GDPD3: variants seen among roughly 807,000 people sequenced by gnomAD.
GDPD3 encodes the protein glycerophosphodiester phosphodiesterase domain containing 3.
GDPD3 carries 40 observed loss-of-function variants against 43.7 expected under a neutral mutation model. That is an observed-to-expected ratio of 0.91 (90% CI 0.71 to 1.19). GDPD3 has a LOEUF of 1.19. Ranked by LOEUF, GDPD3 falls within the 50% of genes most tolerant of loss-of-function variation. The pLI is 0.00. For missense variants in GDPD3, 363 were observed against 415.8 expected (o/e 0.87, Z 1.11); for synonymous variants, 145 against 162.9 (o/e 0.89, Z 0.84).
chr16:30,112,905 C>A lies in GDPD3; in HGVS notation c.183-112G>T. The A allele has an allele frequency of 6.7e-7, 1 of 1,482,902 alleles. No individual in the cohort carries two copies. Among genetic ancestry groups the A allele is most frequent in the African/African-American group, 1.4e-5 (1 of 72,620 alleles). The allele number at this position is 1,482,902 out of a possible 1,614,324, so 91.9% of individuals were successfully genotyped here. Reference sequence around the variant, plus strand: ...CGGAGTTCGTGGCGGGATGTGCAGGCCACCTCCAGGGGGCGCCAGTCACCC... The same window carrying A: ...CGGAGTTCGTGGCGGGATGTGCAGGACACCTCCAGGGGGCGCCAGTCACCC... On this transcript the variant is annotated intron_variant, in intron 2 of 9. Coordinates refer to ENST00000406256, the MANE Select transcript of GDPD3 (RefSeq NM_024307.3). This position sits in a 1 kb window ranked among gnomAD's most constrained non-coding sequence, Gnocchi z 5.4.
intron 7 of GDPD3, among the ~76,000 whole-genome samples, chr16:30,109,106 A>G (rs901090090): frequency 1.3e-5 from 2 of 152,132 alleles, no homozygotes; most frequent in Non-Finnish European, 1.5e-5. Context: ...CTGGGATTAC[A>G]GGCGTGAGCC....
At chr16:30,108,040 CGT>C (rs149175898) in intron 9 of GDPD3, 171 bp downstream of exon 9, 25,368 of 443,148 alleles carry the variant, frequency 0.057, no homozygotes, top group South Asian at 0.079. Flanking sequence ...TGTGTGTGTT[CGT>C]GTGTGTGTGT....
At chr16:30,105,877 G>A (rs912715618) in intron 9 of GDPD3, among the ~76,000 whole-genome samples, 3 of 151,338 alleles carry the variant, frequency 2.0e-5, no homozygotes, top group Non-Finnish European at 2.9e-5. Flanking sequence ...TTGGGAGGCC[G>A]AGGCAGGCAG....
In GDPD3 at chr16:30,113,333, G is replaced by A. The variant is rs777986599; in HGVS notation, c.139+7C>T. The A allele has an allele frequency of 1.7e-5, 27 of 1,592,160 alleles. No homozygotes were observed. Among genetic ancestry groups the A allele is most frequent in the East Asian group, 1.1e-4 (5 of 44,612 alleles). Reference sequence around the variant, plus strand: ...TTGGCACCTGTTCTCACCCCTACCCGGCTCACCTCCTCGGTGGGCCCCCAG... The same window carrying A: ...TTGGCACCTGTTCTCACCCCTACCCAGCTCACCTCCTCGGTGGGCCCCCAG... On this transcript the variant is annotated splice_region_variant and intron_variant, in intron 1 of 9. Coordinates refer to ENST00000406256, the MANE Select transcript of GDPD3 (RefSeq NM_024307.3). The surrounding 1 kb of genome is among the most constrained non-coding windows in gnomAD (Gnocchi z 5.9).
At position 30,109,044 on chromosome 16, in the gene GDPD3, A is replaced by C. The variant is rs530376935; in HGVS notation, c.708-612T>G. On this transcript the variant is annotated intron_variant, in intron 7 of 9. Transcript: ENST00000406256. ...ACAGGGTTTCACCCTGTTAGCCAGG[A>C]TGGTCTCGATCTCCTGACTTTGTGA... 2.0e-4 allele frequency among the ~76,000 whole-genome samples: 31 copies of C among 152,016 alleles called. No individual in the cohort carries two copies. The South Asian group carries it at 5.0e-3, about 24-fold the overall frequency.
In GDPD3 at chr16:30,105,044, A is replaced by C. The variant is rs1424847100; in HGVS notation, c.820-35T>G. 6 of 1,560,140 alleles carry C rather than the reference A, an allele frequency of 3.8e-6. No homozygotes were observed. The Admixed American group carries it at 1.2e-4, about 30-fold the overall frequency. Reference sequence around the variant, plus strand: ...GAGGGAGGGGGCCTGTAGATTCTGAACAATTTTACATCTGGAGAGTGGGGA... The same window carrying C: ...GAGGGAGGGGGCCTGTAGATTCTGACCAATTTTACATCTGGAGAGTGGGGA... On this transcript the variant is annotated intron_variant, in intron 9 of 9. Coordinates refer to ENST00000406256, the MANE Select transcript of GDPD3 (RefSeq NM_024307.3).
chr16:30,113,096 C>T lies in GDPD3; in HGVS notation c.140-32G>A. ...GGGGCACTGGAGTGGGCCTCTGGGGCTTGGGGTCTAGGGGCCTGGCCCAAC... is the reference window on the plus strand; with the variant it reads ...GGGGCACTGGAGTGGGCCTCTGGGGTTTGGGGTCTAGGGGCCTGGCCCAAC... On this transcript the variant is annotated intron_variant, in intron 1 of 9. Coordinates refer to ENST00000406256, the MANE Select transcript of GDPD3 (RefSeq NM_024307.3). This position sits in a 1 kb window ranked among gnomAD's most constrained non-coding sequence, Gnocchi z 5.9. The T allele has an allele frequency of 6.2e-7, 1 of 1,601,026 alleles. No homozygotes were observed. The highest frequency in any genetic ancestry group is 8.5e-7 in the Non-Finnish European group (1 of 1,169,786).
At chr16:30,111,687 G>A (rs1464722455) in intron 6 of GDPD3, 166 bp from the exon 7 acceptor site, 11 of 690,360 alleles carry the variant, frequency 1.6e-5, no homozygotes, top group Non-Finnish European at 2.4e-5. Flanking sequence ...AACCTCAGCA[G>A]TTTGGGAGGC....
rs138427877 is a variant in GDPD3 at position 30,112,695 on chromosome 16, G to T, written c.281C>A (p.Ser94Ter). 2.5e-6 allele frequency: 4 copies of T among 1,613,970 alleles called. No individual in the cohort carries two copies. The East Asian group carries it at 6.7e-5, about 27-fold the overall frequency. The change falls in exon 3 of 10, where the codon TCG becomes TAG. Residue 94 changes from serine to a stop codon, truncating the protein, a stop_gained. Transcript: ENST00000406256. LOFTEE classifies it high-confidence loss of function. The surrounding 1 kb of genome is among the most constrained non-coding windows in gnomAD (Gnocchi z 5.4). ...GCTGCCCACATCCCTGTTTAGGCCC[G>T]ACTGGCGGCACAGGTTCTCATCATG... is the stretch of plus-strand genomic sequence containing the variant. ...VSHDENLCRQ[S>*]GLNRDVGSLD...
At position 30,113,419 on chromosome 16, in the gene GDPD3, G is replaced by GGCCGGC; in HGVS notation, c.59_60insGCCGGC (p.Ile20delinsMetProAla). On this transcript the variant is annotated protein_altering_variant, in exon 1 of 10. Coordinates refer to ENST00000406256, the MANE Select transcript of GDPD3 (RefSeq NM_024307.3). This position sits in a 1 kb window ranked among gnomAD's most constrained non-coding sequence, Gnocchi z 5.9. ...GCAGATGAGGCCGGCGCAGGAAGAA[G>GGCCGGC]ATGGAGAGCATGGCATAGCTGCCCA... 6.2e-7 allele frequency: 1 copy of GGCCGGC among 1,612,178 alleles called. No homozygotes were observed. The highest frequency in any genetic ancestry group is 8.5e-7 in the Non-Finnish European group (1 of 1,178,832).
chr16:30,111,425 T>A lies in GDPD3; in HGVS notation c.670A>T (p.Lys224Ter). ...TTGGGCAGGAAGCAGAAGAAGAACT[T>A]CTCAGGGATTGGGATGAAGGGCAGC... is the stretch of plus-strand genomic sequence containing the variant. ...GLLPFIPIPE[K>*]FFFCFLPNII... The change falls in exon 7 of 10, where the codon AAG becomes TAG. Residue 224 changes from lysine (K) to a stop codon, truncating the protein, a stop_gained. Transcript: ENST00000406256. LOFTEE classifies it high-confidence loss of function. 11 of 1,613,818 alleles carry A rather than the reference T, an allele frequency of 6.8e-6. No individual in the cohort carries two copies. Among genetic ancestry groups the A allele is most frequent in the Non-Finnish European group, 9.3e-6 (11 of 1,179,914 alleles).
chr16:30,113,002 G>C lies in GDPD3; in HGVS notation c.182+20C>G. 1 of 1,610,442 alleles carries C rather than the reference G, an allele frequency of 6.2e-7. No individual in the cohort carries two copies. Among genetic ancestry groups the C allele is most frequent in the Non-Finnish European group, 8.5e-7 (1 of 1,177,152 alleles). On this transcript the variant is annotated intron_variant, in intron 2 of 9. Transcript: ENST00000406256. This position sits in a 1 kb window ranked among gnomAD's most constrained non-coding sequence, Gnocchi z 5.9. ...TGCACACCCTCACATGGCAGCCTGG[G>C]CAGGGGCAGATACACTCACTTCTCC...
At chr16:30,108,479 C>T (rs1467337128) in intron 7 of GDPD3, 47 bp from the exon 8 acceptor site, 1 of 1,586,762 alleles carries the variant, frequency 6.3e-7, no homozygotes, top group East Asian at 2.2e-5. Flanking sequence ...TCTCCCCTGT[C>T]CCAGAGGTGG....
chr16:30,106,651 C>T (rs988315317), intron 9 of GDPD3, among the ~76,000 whole-genome samples: 1 of 152,174 alleles, frequency 6.6e-6, no homozygotes, highest in Non-Finnish European at 1.5e-5. Context: ...CCCACCTCAG[C>T]CTCCTAACTA....
intron 8 of GDPD3, 29 bp downstream of exon 8, chr16:30,108,344 A>G (rs1280483369): frequency 6.2e-7 from 1 of 1,613,566 alleles, no homozygotes; most frequent in East Asian, 2.2e-5. Flanking sequence ...CTATGGGGAC[A>G]CGCCACCCAG....
At chr16:30,108,622 G>A (rs976674701) in intron 7 of GDPD3, 190 bp from the exon 8 acceptor site, 41 of 573,396 alleles carry the variant, frequency 7.2e-5, no homozygotes, top group Non-Finnish European at 1.2e-4. Context: ...TGACCACCAC[G>A]CTTCAAGGGT....
chr16:30,108,112 T>A, intron 9 of GDPD3, 101 bp downstream of exon 9: 1 of 967,934 alleles, frequency 1.0e-6, no homozygotes, highest in Admixed American at 2.7e-5. Context: ...GAAACTGAGG[T>A]GAGGTCACCT....
At chr16:30,108,170 C>G in intron 9 of GDPD3, 43 bp downstream of exon 9, 1 of 1,528,974 alleles carries the variant, frequency 6.5e-7, no homozygotes, top group Non-Finnish European at 8.9e-7. Flanking sequence ...CGGAACCCTG[C>G]TGCCAGGTCT....
chr16:30,109,858 C>T (rs1247576494), intron 7 of GDPD3, among the ~76,000 whole-genome samples: 1 of 152,166 alleles, frequency 6.6e-6, no homozygotes, highest in African/African-American at 2.4e-5. Context: ...AGCCACTGTG[C>T]CCATTGGCCA....
Sources: gnomAD v4.1 joint callset for allele counts (sites outside exome capture counted in the v4.1 genomes callset) on GRCh38, gnomAD v4.1.1 for gene constraint, Gnocchi (gnomAD v3.1) non-coding constraint, MANE v1.5 for transcripts, NCBI Gene and HGNC (gene_info 2026-07-23, HGNC 2026-07-21) for gene names.